Variants in MTA3 observed in about 807,000 individuals in gnomAD.
MTA3 encodes the protein metastasis-associated protein MTA3.
MTA3 carries 34 observed loss-of-function variants against 83.5 expected under a neutral mutation model. That is an observed-to-expected ratio of 0.41 (90% CI 0.31 to 0.54). The LOEUF (loss-of-function observed/expected upper bound fraction) is 0.54, where lower values mean the gene tolerates loss of function less well. MTA3 is among the 20% of genes least tolerant of loss of function. MTA3 has a pLI of 0.33. For synonymous variants in MTA3, 303 were observed against 252.7 expected (o/e 1.20, Z -1.89); for missense variants, 761 against 726.4 (o/e 1.05, Z -0.55).
chr2:42,558,778 C>T (rs998738783), intron 2 of MTA3, among the ~76,000 whole-genome samples: 1 of 151,770 alleles, frequency 6.6e-6, no homozygotes, highest in Non-Finnish European at 1.5e-5. Flanking sequence ...TGGTCTCAAA[C>T]TCCTGAGCTC....
intron 2 of MTA3, among the ~76,000 whole-genome samples, chr2:42,512,356 G>C (rs989140831): frequency 6.6e-6 from 1 of 152,112 alleles, no homozygotes; most frequent in East Asian, 1.9e-4. Context: ...TTCCAGTGCT[G>C]TAACTCCATG....
chr2:42,503,921 C>CTTTT (rs34028665), intron 2 of MTA3, among the ~76,000 whole-genome samples: 22 of 111,236 alleles, frequency 2.0e-4, no homozygotes, highest in African/African-American at 2.4e-4. Context: ...GAACCACATT[C>CTTTT]TTTTTTTTTT....
At chr2:42,556,629 G>A (rs1558433970) in intron 2 of MTA3, among the ~76,000 whole-genome samples, 1 of 152,262 alleles carries the variant, frequency 6.6e-6, no homozygotes, top group East Asian at 1.9e-4. Context: ...GGTAAAGCTC[G>A]ACCAAGATGG....
intron 9 of MTA3, among the ~76,000 whole-genome samples, chr2:42,689,590 T>G (rs184007433): frequency 7.2e-5 from 11 of 152,274 alleles, no homozygotes; most frequent in African/African-American, 2.6e-4. Context: ...CTCTTTCTTC[T>G]TGAGTGAGTT....
chr2:42,612,860 C>G (rs1267581099), intron 4 of MTA3, among the ~76,000 whole-genome samples: 3 of 151,614 alleles, frequency 2.0e-5, no homozygotes, highest in Admixed American at 1.3e-4. Context: ...ACTCTTGTCT[C>G]AAAAAATAAA....
Position 42,754,662 on chromosome 2 carries a change from C to T in MTA3, c.*1263C>T. On this transcript the variant is annotated 3_prime_UTR_variant, in exon 17 of 17. Coordinates refer to ENST00000405094, the MANE Select transcript of MTA3 (RefSeq NM_001330442.2). ...AGGGTCACAGTCCCAAGAAAGACAACTGGAGTCTGATCTCCCAGCCATCTC... is the reference window on the plus strand; with the variant it reads ...AGGGTCACAGTCCCAAGAAAGACAATTGGAGTCTGATCTCCCAGCCATCTC... 4.1e-6 allele frequency: 4 copies of T among 985,538 alleles called. No homozygotes were observed. The highest frequency in any genetic ancestry group is 4.8e-6 in the Non-Finnish European group (4 of 829,984). 61.0% of individuals were successfully genotyped at this position (985,538 alleles called of 1,614,324 possible). A position where few individuals can be genotyped will look rare whatever the true frequency, so the allele number is the denominator to read the frequency against.
chr2:42,629,182 C>T (rs956024796), intron 4 of MTA3, among the ~76,000 whole-genome samples: 3 of 152,056 alleles, frequency 2.0e-5, no homozygotes, highest in African/African-American at 7.2e-5. Flanking sequence ...CAGGTTCAAG[C>T]AATTCTCCTG....
intron 6 of MTA3, among the ~76,000 whole-genome samples, chr2:42,650,433 T>G (rs1003118477): frequency 6.6e-6 from 1 of 151,812 alleles, no homozygotes; most frequent in African/African-American, 2.4e-5. Flanking sequence ...TTGTTTGGGG[T>G]TTTTTTGTTT....
chr2:42,733,025 C>A (rs1573796891), intron 16 of MTA3, among the ~76,000 whole-genome samples: 1 of 152,096 alleles, frequency 6.6e-6, no homozygotes, highest in African/African-American at 2.4e-5. Flanking sequence ...TTCCTGACTT[C>A]TTCTGAGCTC....
intron 15 of MTA3, among the ~76,000 whole-genome samples, chr2:42,719,315 A>G (rs779919397): frequency 3.3e-5 from 5 of 152,208 alleles, no homozygotes; most frequent in Non-Finnish European, 7.3e-5. Flanking sequence ...CATCGAATAA[A>G]AATGTAATAT....
intron 7 of MTA3, 48 bp from the exon 8 acceptor site, chr2:42,659,715 C>T (rs2104371181): frequency 7.3e-7 from 1 of 1,370,558 alleles, no homozygotes; most frequent in Non-Finnish European, 9.6e-7. Context: ...AAAAAACAAA[C>T]CAAAACAGAT....
At position 42,700,739 on chromosome 2, in the gene MTA3, G is replaced by T. The variant is rs116541363; in HGVS notation, c.1025+2905G>T. Among the ~76,000 whole-genome samples, 743 of 152,142 alleles carry T rather than the reference G, an allele frequency of 4.9e-3. 5 individuals are homozygous for T. The highest frequency in any genetic ancestry group is 0.017 in the African/African-American group (719 of 41,482). The stretch of plus-strand genomic sequence containing the variant: ...TTGAAAATGCTGGTCATTCTAAATC[G>T]CCACTTTTCACTTAGTATAGTGTCA... On this transcript the variant is annotated intron_variant, in intron 11 of 16. Transcript: ENST00000405094.
Position 42,549,251 on chromosome 2 carries a change from T to G in MTA3, c.-140-21186T>G, listed in dbSNP as rs370663089. Among the ~76,000 whole-genome samples, 25 of 130,558 alleles carry G rather than the reference T, an allele frequency of 1.9e-4. No individual in the cohort carries two copies. In the East Asian group the frequency reaches 5.4e-3, roughly 28 times the overall value. The allele number at this position is 130,558 out of a possible 152,430, so 85.7% of individuals were successfully genotyped here. ...TATATATGTATACGTATATAATATA[T>G]TATATATTATATACGTGTACGTATA... On this transcript the variant is annotated intron_variant, in intron 2 of 17. Coordinates refer to the MTA3 transcript ENST00000405592.
At chr2:42,667,593 TG>T (rs1690368905) in intron 8 of MTA3, among the ~76,000 whole-genome samples, 8 of 131,246 alleles carry the variant, frequency 6.1e-5, no homozygotes, top group Non-Finnish European at 1.1e-4. Flanking sequence ...TGTGTGTGTG[TG>T]TGTGTGTGTG....
intron 2 of MTA3, among the ~76,000 whole-genome samples, chr2:42,539,624 C>T (rs1004419232): frequency 2.0e-5 from 3 of 148,050 alleles, no homozygotes; most frequent in East Asian, 2.0e-4. Flanking sequence ...CTTTGTCTCC[C>T]GGGCTAGAAT....
chr2:42,573,176 G>A lies in MTA3; in HGVS notation c.96+2672G>A, dbSNP rs548486786. Reference sequence around the variant, plus strand: ...TGTGTGGTTTATGAGACTTCATAGTGTTAAAATCTTTGAGTCTGTCTAGCT... The same window carrying A: ...TGTGTGGTTTATGAGACTTCATAGTATTAAAATCTTTGAGTCTGTCTAGCT... On this transcript the variant is annotated intron_variant, in intron 2 of 16. Transcript: ENST00000405094. 6.6e-5 allele frequency among the ~76,000 whole-genome samples: 10 copies of A among 152,340 alleles called. No homozygotes were observed. The South Asian group carries it at 2.1e-3, about 32-fold the overall frequency.
chr2:42,568,794 C>A (rs992639942), intron 1 of MTA3, 21 bp downstream of exon 1: 2 of 1,215,548 alleles, frequency 1.6e-6, no homozygotes. Flanking sequence ...TCGGCCCGAC[C>A]CGGCCCGTGT....
In MTA3 at chr2:42,519,759, A is replaced by G. The variant is rs142823624; in HGVS notation, c.-141+24505A>G. On this transcript the variant is annotated intron_variant, in intron 2 of 17. Coordinates refer to the MTA3 transcript ENST00000405592. ...TGTACAAATAAAAATTCTTTTAAAA[A>G]TTAACCAGGGCCGGTTACGGTGGCT... 2.7e-3 allele frequency among the ~76,000 whole-genome samples: 405 copies of G among 152,212 alleles called. 2 individuals are homozygous for G. Among genetic ancestry groups the G allele is most frequent in the East Asian group, 0.015 (79 of 5,164 alleles).
intron 3 of MTA3, among the ~76,000 whole-genome samples, chr2:42,599,538 C>T (rs113744330): frequency 0.22 from 33,043 of 151,636 alleles, 3,838 homozygotes; most frequent in Middle Eastern, 0.35. Flanking sequence ...TGCAGTGAGC[C>T]GAGATTGCGC....
Sources: allele counts gnomAD v4.1 joint callset (sites outside exome capture counted in the v4.1 genomes callset), GRCh38; gene constraint gnomAD v4.1.1; transcripts MANE v1.5; gene names NCBI Gene and HGNC (gene_info 2026-07-23, HGNC 2026-07-21).